NSMCE2: variants seen among roughly 807,000 people sequenced by gnomAD.
NSMCE2 encodes the protein E3 SUMO-protein ligase NSE2.
In NSMCE2, 24 loss-of-function variants were observed where a neutral mutation model predicts 23.8. That is an observed-to-expected ratio of 1.01 (90% CI 0.73 to 1.42). The LOEUF is 1.42. NSMCE2 is among the 40% of genes most tolerant of loss of function. NSMCE2 has a pLI of 0.00. For missense variants in NSMCE2, 284 were observed against 296.5 expected (o/e 0.96, Z 0.31); for synonymous variants, 92 against 94.1 (o/e 0.98, Z 0.13).
At chr8:125,293,015 CA>C (rs1828173131) in intron 5 of NSMCE2, among the ~76,000 whole-genome samples, 1 of 152,126 alleles carries the variant, frequency 6.6e-6, no homozygotes, top group African/African-American at 2.4e-5. Flanking sequence ...AAATCTGTCC[CA>C]GGGGGCCTGG....
intron 5 of NSMCE2, among the ~76,000 whole-genome samples, chr8:125,200,958 A>G (rs10105823): frequency 0.027 from 4,122 of 152,168 alleles, 172 homozygotes; most frequent in African/African-American, 0.094. Flanking sequence ...AGTTGATCGA[A>G]TCGGGTATTG....
intron 5 of NSMCE2, among the ~76,000 whole-genome samples, chr8:125,193,141 A>T (rs1181070197): frequency 1.3e-5 from 2 of 152,198 alleles, no homozygotes; most frequent in East Asian, 3.8e-4. Flanking sequence ...TTATGCTATT[A>T]AGAGTTAACA....
intron 5 of NSMCE2, among the ~76,000 whole-genome samples, chr8:125,193,990 G>A (rs750482243): frequency 7.2e-5 from 11 of 152,162 alleles, no homozygotes; most frequent in Non-Finnish European, 1.0e-4. Flanking sequence ...TGTGGAGAGT[G>A]TTGCCTCTTT....
intron 5 of NSMCE2, among the ~76,000 whole-genome samples, chr8:125,260,627 A>G (rs1826651423): frequency 6.7e-6 from 1 of 149,300 alleles, no homozygotes; most frequent in Non-Finnish European, 1.5e-5. Context: ...TCATTTATTT[A>G]TTTATTTTCT....
intron 5 of NSMCE2, among the ~76,000 whole-genome samples, chr8:125,196,603 G>A (rs888883972): frequency 2.0e-5 from 3 of 152,098 alleles, no homozygotes; most frequent in African/African-American, 7.2e-5. Context: ...GTCTATCATT[G>A]TTGGACATTT....
intron 5 of NSMCE2, among the ~76,000 whole-genome samples, chr8:125,331,966 C>T (rs2891677): frequency 0.44 from 66,926 of 151,986 alleles, 17,019 homozygotes; most frequent in East Asian, 0.55. Context: ...CTAAGGAGAT[C>T]AAAGCTGCTT....
At chr8:125,342,188 TC>T (rs995196285) in intron 5 of NSMCE2, among the ~76,000 whole-genome samples, 72 of 152,318 alleles carry the variant, frequency 4.7e-4, no homozygotes, top group African/African-American at 1.7e-3. Context: ...CTACTTGTGC[TC>T]ACTCGTAATT....
intron 5 of NSMCE2, among the ~76,000 whole-genome samples, chr8:125,285,756 GCACACACACA>G (rs10550331): frequency 2.7e-5 from 4 of 149,290 alleles, no homozygotes; most frequent in Non-Finnish European, 4.5e-5. Flanking sequence ...TCATACACAC[GCACACACACA>G]CACACACACA....
intron 4 of NSMCE2, among the ~76,000 whole-genome samples, chr8:125,161,011 C>T (rs1387920817): frequency 1.3e-5 from 2 of 151,984 alleles, no homozygotes; most frequent in African/African-American, 2.4e-5. Flanking sequence ...TGCTGACAAG[C>T]GAGAGAACGA....
intron 5 of NSMCE2, among the ~76,000 whole-genome samples, chr8:125,282,333 C>G (rs1353231499): frequency 1.3e-5 from 2 of 152,128 alleles, no homozygotes; most frequent in Non-Finnish European, 2.9e-5. Flanking sequence ...AGGCTCGTCT[C>G]GAACTCCTGA....
At chr8:125,357,543 A>G (rs796163378) in intron 6 of NSMCE2, among the ~76,000 whole-genome samples, 169 bp from the exon 7 acceptor site, 144 of 152,370 alleles carry the variant, frequency 9.5e-4, no homozygotes, top group African/African-American at 3.4e-3. Flanking sequence ...CTACAGGCCA[A>G]GTGACAGTAC....
At chr8:125,148,768 G>T (rs1473802445) in intron 3 of NSMCE2, among the ~76,000 whole-genome samples, 1 of 152,110 alleles carries the variant, frequency 6.6e-6, no homozygotes, top group Non-Finnish European at 1.5e-5. Flanking sequence ...TAAGGCTGGT[G>T]TGAAACCAAT....
intron 3 of NSMCE2, among the ~76,000 whole-genome samples, chr8:125,115,868 CA>C (rs780371556): frequency 2.7e-4 from 41 of 152,280 alleles, no homozygotes; most frequent in Non-Finnish European, 4.6e-4. Context: ...TCATAGCCTA[CA>C]ATAGGCAAGT....
intron 1 of NSMCE2, among the ~76,000 whole-genome samples, chr8:125,098,761 A>G (rs1437176797): frequency 6.6e-6 from 1 of 152,018 alleles, no homozygotes; most frequent in Non-Finnish European, 1.5e-5. Flanking sequence ...GCTATTTAGT[A>G]AGATGGGGCA....
intron 7 of NSMCE2, among the ~76,000 whole-genome samples, chr8:125,359,561 G>A (rs912935711): frequency 1.8e-4 from 27 of 152,082 alleles, no homozygotes; most frequent in South Asian, 2.1e-4. Flanking sequence ...TCAAACTCCC[G>A]AGCTCAGGTG....
chr8:125,351,441 T>G (rs1813030262), intron 5 of NSMCE2: 1 of 152,140 alleles, frequency 6.6e-6, no homozygotes. Flanking sequence ...TTGTGCAGGC[T>G]TCCTGCTTCA....
At chr8:125,301,337 G>T (rs541381112) in intron 5 of NSMCE2, among the ~76,000 whole-genome samples, 2 of 152,334 alleles carry the variant, frequency 1.3e-5, no homozygotes, top group South Asian at 4.1e-4. Flanking sequence ...CCTGGCCAAA[G>T]GTAATAGAAT....
At chr8:125,356,325 G>GTTTTTTTT (rs1563803250) in intron 5 of NSMCE2, among the ~76,000 whole-genome samples, 1 of 125,160 alleles carries the variant, frequency 8.0e-6, no homozygotes, top group African/African-American at 2.8e-5. Context: ...TTAATTTTTT[G>GTTTTTTTT]GTTTTTTTTT....
intron 3 of NSMCE2, among the ~76,000 whole-genome samples, chr8:125,149,741 G>A (rs1820890572): frequency 6.6e-6 from 1 of 152,068 alleles, no homozygotes; most frequent in South Asian, 2.1e-4. Context: ...TTCTTATTCT[G>A]ACTAATATAA....
Sources: gnomAD v4.1 joint callset for allele counts (sites outside exome capture counted in the v4.1 genomes callset) on GRCh38, gnomAD v4.1.1 for gene constraint, MANE v1.5 for transcripts, NCBI Gene and HGNC (gene_info 2026-07-23, HGNC 2026-07-21) for gene names.